CCDC88C: variants seen among roughly 807,000 people sequenced by gnomAD.
CCDC88C encodes the protein coiled-coil and HOOK domain protein 88C.
Under a neutral mutation model 198.8 loss-of-function variants are expected in CCDC88C, and 131 were observed. The observed-to-expected ratio is 0.66, with a 90% CI of 0.57 to 0.76. The LOEUF is 0.76. Among genes scored for constraint, CCDC88C ranks in the 30% least tolerant of loss-of-function variants. The probability of loss-of-function intolerance (pLI) is 0.00; values close to 1 mark genes in which losing one functional copy is unlikely to be tolerated. For synonymous variants in CCDC88C, 1,166 were observed against 1,114.7 expected, an observed-to-expected ratio of 1.05 and a Z score of -0.92; for missense variants, 2,553 against 2,631.6, an observed-to-expected ratio of 0.97 and a Z score of 0.65.
At chr14:91,357,936 G>A (rs573649835) in intron 4 of CCDC88C, among the ~76,000 whole-genome samples, 3 of 152,352 alleles carry the variant, frequency 2.0e-5, no homozygotes, top group South Asian at 2.1e-4. Context: ...GGGGGAGGGC[G>A]CTTGCTGCCG....
rs1028376298 is a variant in CCDC88C at position 91,303,881 on chromosome 14, C to T, written c.3455G>A (p.Ser1152Asn). 1.2e-6 allele frequency: 2 copies of T among 1,613,028 alleles called. No individual in the cohort carries two copies. Among genetic ancestry groups the T allele is most frequent in the Non-Finnish European group, 1.7e-6 (2 of 1,179,892 alleles). Residue 1152 changes from serine (S) to asparagine (N), a missense_variant, in exon 20 of 30, where the codon AGC (serine) becomes AAC (asparagine). Ser to Asn is a conservative substitution (Grantham distance 46). Transcript: ENST00000389857. ...HHTAKETENE[S>N]LQRQQEQLTA... The stretch of plus-strand genomic sequence containing the variant: ...AAGTTGCTCCTGCTGCCTCTGCAGG[C>T]TTTCGTTCTCCGTCTCCTTGGCCGT...
chr14:91,318,471 C>T (rs543239721), intron 13 of CCDC88C, among the ~76,000 whole-genome samples: 3 of 152,132 alleles, frequency 2.0e-5, no homozygotes, highest in Non-Finnish European at 2.9e-5. Context: ...TGGCATGAGA[C>T]GGGGGTGTCT....
chr14:91,417,159 A>G (rs1464286852), intron 1 of CCDC88C: 2 of 702,942 alleles, frequency 2.8e-6, no homozygotes, highest in Non-Finnish European at 5.2e-6. Flanking sequence ...CAGTGCGCCC[A>G]CCCCAGTCTG....
chr14:91,338,146 T>G lies in CCDC88C; in HGVS notation c.909A>C (p.Ala303=). 1 of 1,613,758 alleles carries G rather than the reference T, an allele frequency of 6.2e-7. No homozygotes were observed. Among genetic ancestry groups the G allele is most frequent in the Non-Finnish European group, 8.5e-7 (1 of 1,179,778 alleles). The stretch of plus-strand genomic sequence containing the variant: ...GATAGGCACGAGCAGACCGGGCGTC[T>G]GCCGCTAGCTGGATGTTCTGCAAGG... ...KVKQENIQLA[A]DARSARAYRD... Residue 303 remains alanine, a synonymous_variant, in exon 10 of 30, where the codon GCA becomes GCC. Transcript: ENST00000389857. The surrounding 1 kb of genome is among the most constrained non-coding windows in gnomAD (Gnocchi z 4.8).
Position 91,313,248 on chromosome 14 carries a change from GT to G in CCDC88C, c.2567del (p.Asp856AlafsTer31). The G allele has an allele frequency of 6.2e-7, 1 of 1,613,980 alleles. No individual in the cohort carries two copies. The highest frequency in any genetic ancestry group is 8.5e-7 in the Non-Finnish European group (1 of 1,179,898). On this transcript the variant is annotated frameshift_variant, in exon 15 of 30. Coordinates refer to ENST00000389857, the MANE Select transcript of CCDC88C (RefSeq NM_001080414.4). LOFTEE classifies it high-confidence loss of function. The surrounding 1 kb of genome is among the most constrained non-coding windows in gnomAD (Gnocchi z 5.2). ...CGGCGGACAGTTTGGCAGTGCTATC[GT>G]CCAAGACTGCATCCTTGAGCTCCAC... ...QQVELKDAVL[D>X]DSTAKLSAVE...
intron 4 of CCDC88C, among the ~76,000 whole-genome samples, chr14:91,354,266 C>T (rs1319694674): frequency 1.3e-5 from 2 of 152,230 alleles, no homozygotes; most frequent in Admixed American, 1.3e-4. Context: ...AATTTGCTAA[C>T]ACCCTGGCTT....
Position 91,343,582 on chromosome 14 carries a change from C to G in CCDC88C, c.399+17G>C, listed in dbSNP as rs1192497162. On this transcript the variant is annotated intron_variant, in intron 5 of 29. Coordinates refer to ENST00000389857, the MANE Select transcript of CCDC88C (RefSeq NM_001080414.4). ...GCTGGGGTAGGTCCCTCTGCTGCAG[C>G]CCTGCCCAATCCCTACCTGGACAGC... 6 of 1,613,428 alleles carry G rather than the reference C, an allele frequency of 3.7e-6. No individual in the cohort carries two copies. The highest frequency in any genetic ancestry group is 5.1e-6 in the Non-Finnish European group (6 of 1,179,864).
intron 4 of CCDC88C, among the ~76,000 whole-genome samples, chr14:91,344,302 C>T (rs1053275814): frequency 1.3e-4 from 20 of 152,122 alleles, no homozygotes; most frequent in Non-Finnish European, 2.6e-4. Context: ...ACTGAGTCAA[C>T]GCTAAAATAA....
chr14:91,417,013 C>A, intron 1 of CCDC88C, 175 bp from the exon 2 acceptor site: 1 of 688,868 alleles, frequency 1.5e-6, no homozygotes, highest in Non-Finnish European at 2.6e-6. Context: ...CCTGTCTCCC[C>A]TCCCCGCGCG....
chr14:91,395,551 T>C (rs1885789978), intron 3 of CCDC88C, among the ~76,000 whole-genome samples: 1 of 152,128 alleles, frequency 6.6e-6, no homozygotes, highest in South Asian at 2.1e-4. Context: ...TTCCACCTTG[T>C]TCTCTGGCTT....
chr14:91,327,166 T>C (rs1371897010), intron 10 of CCDC88C, among the ~76,000 whole-genome samples: 1 of 152,216 alleles, frequency 6.6e-6, no homozygotes, highest in African/African-American at 2.4e-5. Context: ...CTTCTTTCGG[T>C]GGGCAGAGCT....
At chr14:91,386,168 G>T (rs1885122678) in intron 3 of CCDC88C, among the ~76,000 whole-genome samples, 1 of 152,026 alleles carries the variant, frequency 6.6e-6, no homozygotes, top group African/African-American at 2.4e-5. Flanking sequence ...AGCAGGCCGG[G>T]CGCGGTGGCT....
At position 91,315,870 on chromosome 14, in the gene CCDC88C, C is replaced by T. The variant is rs554637940; in HGVS notation, c.1528-83G>A. The stretch of plus-strand genomic sequence containing the variant: ...ATTTAAAACAAAACAGAAACCACCC[C>T]AACAGAATGCACTGATGGGTCTTTT... On this transcript the variant is annotated intron_variant, in intron 13 of 29. Coordinates refer to ENST00000389857, the MANE Select transcript of CCDC88C (RefSeq NM_001080414.4). The T allele has an allele frequency of 1.7e-5, 25 of 1,437,090 alleles. No homozygotes were observed. In the South Asian group the frequency reaches 2.4e-4, roughly 14 times the overall value. The allele number at this position is 1,437,090 out of a possible 1,614,324, so 89.0% of individuals were successfully genotyped here.
chr14:91,345,876 A>G (rs1180693531), intron 4 of CCDC88C, among the ~76,000 whole-genome samples: 2 of 152,086 alleles, frequency 1.3e-5, no homozygotes, highest in African/African-American at 4.8e-5. Context: ...TCCAAGCCTC[A>G]GTTTCCACAT....
At position 91,396,066 on chromosome 14, in the gene CCDC88C, G is replaced by A. The variant is rs145150657; in HGVS notation, c.270+12593C>T. ...AGAAAAATAAGACGACAATTATATC[G>A]CGACAATTACATCTCGAAGGATCAA... On this transcript the variant is annotated intron_variant, in intron 3 of 29. Transcript: ENST00000389857. Among the ~76,000 whole-genome samples, 521 of 152,152 alleles carry A rather than the reference G, an allele frequency of 3.4e-3. 5 individuals carry two copies. The highest frequency in any genetic ancestry group is 0.011 in the African/African-American group (475 of 41,478).
In CCDC88C at chr14:91,313,490, C is replaced by T; in HGVS notation, c.2326G>A (p.Glu776Lys). 6.2e-7 allele frequency: 1 copy of T among 1,607,734 alleles called. No homozygotes were observed. The highest frequency in any genetic ancestry group is 8.5e-7 in the Non-Finnish European group (1 of 1,179,758). ...GTCTGCGTCTTGTGGCTGCTGCTCTCCAGGCTCTGCTGCAGCCGGAGGTTC... is the reference window on the plus strand; with the variant it reads ...GTCTGCGTCTTGTGGCTGCTGCTCTTCAGGCTCTGCTGCAGCCGGAGGTTC... ...AENLRLQQSL[E>K]SSSHKTQTLE... Residue 776 changes from glutamate (E) to lysine (K), a missense_variant, in exon 15 of 30, where the codon GAG (glutamate) becomes AAG (lysine). This residue lies in a region of CCDC88C where 1,260 missense variants were observed against 1,412.0 expected (regional missense o/e 0.89). Coordinates refer to ENST00000389857, the MANE Select transcript of CCDC88C (RefSeq NM_001080414.4). The surrounding 1 kb of genome is among the most constrained non-coding windows in gnomAD (Gnocchi z 5.2).
chr14:91,411,468 A>G (rs1886783165), intron 2 of CCDC88C, among the ~76,000 whole-genome samples: 1 of 152,220 alleles, frequency 6.6e-6, no homozygotes, highest in Non-Finnish European at 1.5e-5. Flanking sequence ...AAACAACTGC[A>G]CTTCCCCAAA....
At chr14:91,369,998 A>G (rs1454349250) in intron 3 of CCDC88C, among the ~76,000 whole-genome samples, 1 of 152,244 alleles carries the variant, frequency 6.6e-6, no homozygotes, top group East Asian at 1.9e-4. Context: ...ATTCACAGAA[A>G]CAAACATAAG....
intron 3 of CCDC88C, among the ~76,000 whole-genome samples, chr14:91,382,450 C>T (rs1157926594): frequency 6.6e-6 from 1 of 152,230 alleles, no homozygotes; most frequent in Non-Finnish European, 1.5e-5. Flanking sequence ...AATTGGCCTT[C>T]TTTGTCAGGA....
Sources: gnomAD v4.1 joint callset for allele counts (sites outside exome capture counted in the v4.1 genomes callset) on GRCh38, gnomAD v4.1.1 for gene constraint, gnomAD v4.1.1 regional missense constraint, Gnocchi (gnomAD v3.1) non-coding constraint, MANE v1.5 for transcripts, NCBI Gene and HGNC (gene_info 2026-07-23, HGNC 2026-07-21) for gene names.